The following DNAJA1 variants were observed in gnomAD, a reference collection of about 807,000 sequenced individuals.
DNAJA1 encodes dnaJ homolog subfamily A member 1.
Under a neutral mutation model 47.6 loss-of-function variants are expected in DNAJA1, and 26 were observed. The observed-to-expected ratio is 0.55, with a 90% confidence interval of 0.40 to 0.76. The LOEUF is 0.76. DNAJA1 is among the 30% of genes least tolerant of loss of function. DNAJA1 has a pLI of 0.00. For synonymous variants in DNAJA1, 165 were observed against 158.4 expected (o/e 1.04, Z -0.31); for missense variants, 315 against 485.0 (o/e 0.65, Z 3.29).
rs1838934808 is a variant in DNAJA1, at chr9:33,029,995, G to A, written c.415+6G>A. On this transcript the variant is annotated splice_donor_region_variant and intron_variant, in intron 4 of 8. Coordinates refer to ENST00000330899, the MANE Select transcript of DNAJA1 (RefSeq NM_001539.4). ...GATTTGTGACAAATGTGAAGGTACG[G>A]TGTTTTTTTGTTTTGTTTTGTTTTG... The A allele has an allele frequency of 1.2e-6, 2 of 1,607,320 alleles. No individual in the cohort carries two copies. The highest frequency in any genetic ancestry group is 1.7e-6 in the Non-Finnish European group (2 of 1,178,276).
At chr9:33,035,645 T>C (rs571596385) in intron 6 of DNAJA1, among the ~76,000 whole-genome samples, 5 of 151,932 alleles carry the variant, frequency 3.3e-5, no homozygotes, top group African/African-American at 1.2e-4. Context: ...GATTTTTGTA[T>C]TTTTAGTAGA....
chr9:33,031,510 T>A (rs1050252556), intron 5 of DNAJA1, among the ~76,000 whole-genome samples: 1 of 151,966 alleles, frequency 6.6e-6, no homozygotes, highest in Admixed American at 6.6e-5. Context: ...TGGCTCACTC[T>A]AACCTCTGCC....
At chr9:33,037,876 T>A (rs886590196) in intron 8 of DNAJA1, among the ~76,000 whole-genome samples, 11 of 152,198 alleles carry the variant, frequency 7.2e-5, no homozygotes, top group Admixed American at 1.3e-4. Context: ...AGAGGTGCTT[T>A]ATAATAATTG....
In DNAJA1 at chr9:33,038,634, T is replaced by C. The variant is rs1564015618; in HGVS notation, c.976-51T>C. On this transcript the variant is annotated intron_variant, in intron 8 of 8. Transcript: ENST00000330899. ...TGGGGAAAATGGGTCCATGATACTC[T>C]AAGGGAGCTAATGATGAAATCAGAT... The C allele has an allele frequency of 1.9e-6, 3 of 1,550,368 alleles. No homozygotes were observed. The South Asian group carries it at 3.5e-5, about 18-fold the overall frequency.
intron 6 of DNAJA1, 71 bp from the exon 7 acceptor site, chr9:33,036,489 TTTATTAAACAAAAA>T: frequency 1.2e-6 from 1 of 827,262 alleles, no homozygotes; most frequent in Non-Finnish European, 1.9e-6. Context: ...ACCCTTTGCT[TTTATTAAACAAAAA>T]AACAGCCTGC....
rs765969344 is a variant in DNAJA1 at position 33,027,015 on chromosome 9, A to T, written c.310+25A>T. Reference sequence around the variant, plus strand: ...GGTAAGAAGAATCTAGTCTTTGTGCAGCTAACTAAAGTTAGCTGTTGGTCA... The same window carrying T: ...GGTAAGAAGAATCTAGTCTTTGTGCTGCTAACTAAAGTTAGCTGTTGGTCA... On this transcript the variant is annotated intron_variant, in intron 3 of 8. Coordinates refer to ENST00000330899, the MANE Select transcript of DNAJA1 (RefSeq NM_001539.4). The T allele has an allele frequency of 6.2e-6, 10 of 1,613,314 alleles. No homozygotes were observed. The Admixed American group carries it at 1.2e-4, about 19-fold the overall frequency.
At chr9:33,033,857 C>T (rs1197883286) in intron 5 of DNAJA1, among the ~76,000 whole-genome samples, 3 of 152,114 alleles carry the variant, frequency 2.0e-5, no homozygotes, top group Non-Finnish European at 2.9e-5. Context: ...CCAGTGTTAG[C>T]CAGTCATGGT....
Position 33,038,837 on chromosome 9 carries a change from C to T in DNAJA1, c.1128C>T (p.Tyr376=), listed in dbSNP as rs185238499. 1.0e-4 allele frequency: 169 copies of T among 1,613,970 alleles called. No homozygotes were observed. In the East Asian group the frequency reaches 3.5e-3, roughly 33 times the overall value. ...CAAATCAGGAAAGACGGCGCCACTA[C>T]AATGGAGAAGCATATGAGGATGATG... The part of the protein sequence containing the change: ...FDPNQERRRH[Y]NGEAYEDDEH... The change falls in exon 9 of 9, where the codon TAC becomes TAT. Residue 376 remains tyrosine, a synonymous_variant. Coordinates refer to ENST00000330899, the MANE Select transcript of DNAJA1 (RefSeq NM_001539.4).
intron 6 of DNAJA1, chr9:33,036,295 A>C: frequency 5.7e-6 from 1 of 174,782 alleles, no homozygotes. Context: ...GAGAAACCAG[A>C]TTTAAAACTA....
Position 33,039,109 on chromosome 9 carries a change from A to C in DNAJA1, c.*206A>C. The C allele has an allele frequency of 1.8e-6, 1 of 566,210 alleles. No homozygotes were observed. Among genetic ancestry groups the C allele is most frequent in the Non-Finnish European group, 3.1e-6 (1 of 320,710 alleles). 35.1% of individuals were successfully genotyped at this position (566,210 alleles called of 1,614,324 possible). ...TATGATGACTTCAGTGTGCAAGATG[A>C]AGTTTAATACCTGTAAAAACTACAA... On this transcript the variant is annotated 3_prime_UTR_variant, in exon 9 of 9. Coordinates refer to ENST00000330899, the MANE Select transcript of DNAJA1 (RefSeq NM_001539.4).
chr9:33,034,394 GTTTT>G (rs1283492780), intron 6 of DNAJA1, 64 bp downstream of exon 6: 9 of 1,241,958 alleles, frequency 7.2e-6, no homozygotes, highest in Middle Eastern at 1.9e-4. Flanking sequence ...TTTGTTTTTT[GTTTT>G]TTTGTTTTTT....
intron 1 of DNAJA1, 59 bp from the exon 2 acceptor site, chr9:33,026,416 T>C: frequency 1.3e-6 from 2 of 1,564,740 alleles, no homozygotes; most frequent in East Asian, 2.3e-5. Flanking sequence ...GCCTTAGCTC[T>C]CTTTTTTATT....
At position 33,038,162 on chromosome 9, in the gene DNAJA1, G is replaced by C. The variant is rs564714089; in HGVS notation, c.976-523G>C. Among the ~76,000 whole-genome samples, 248 of 152,046 alleles carry C rather than the reference G, an allele frequency of 1.6e-3. 1 individual carries two copies. The highest frequency in any genetic ancestry group is 5.7e-3 in the African/African-American group (238 of 41,464). Reference sequence around the variant, plus strand: ...TGGGAATACAGGTGCCCGCCACCACGCTGGGCTTTTTAGTAGAGATGGGGT... The same window carrying C: ...TGGGAATACAGGTGCCCGCCACCACCCTGGGCTTTTTAGTAGAGATGGGGT... On this transcript the variant is annotated intron_variant, in intron 8 of 8. Transcript: ENST00000330899.
intron 1 of DNAJA1, among the ~76,000 whole-genome samples, chr9:33,025,788 C>T (rs1432802249): frequency 6.6e-6 from 1 of 152,182 alleles, no homozygotes; most frequent in Non-Finnish European, 1.5e-5. Context: ...GAGACTGCGG[C>T]TTTTGGTTTC....
At chr9:33,028,638 T>C (rs1838911971) in intron 3 of DNAJA1, among the ~76,000 whole-genome samples, 2 of 152,198 alleles carry the variant, frequency 1.3e-5, no homozygotes, top group Non-Finnish European at 2.9e-5. Flanking sequence ...AAAAAAGTAG[T>C]GGTGGTTTTT....
intron 8 of DNAJA1, 191 bp downstream of exon 8, chr9:33,037,306 C>CT: frequency 3.5e-6 from 1 of 285,070 alleles, no homozygotes; most frequent in South Asian, 8.2e-5. Context: ...AACCCTGTCT[C>CT]TTTAAAAAAA....
chr9:33,033,456 T>C (rs1268769542), intron 5 of DNAJA1, among the ~76,000 whole-genome samples: 2 of 151,712 alleles, frequency 1.3e-5, no homozygotes, highest in Admixed American at 6.6e-5. Context: ...ATCCGAACAC[T>C]ATAGGATGCC....
chr9:33,028,021 G>A (rs988201186), intron 3 of DNAJA1, among the ~76,000 whole-genome samples: 1 of 84,896 alleles, frequency 1.2e-5, no homozygotes, highest in African/African-American at 5.4e-5. Flanking sequence ...CGAGACTCTT[G>A]TCTCAAAAAA....
At chr9:33,026,341 A>T in intron 1 of DNAJA1, 134 bp from the exon 2 acceptor site, 2 of 839,938 alleles carry the variant, frequency 2.4e-6, no homozygotes, top group Non-Finnish European at 3.6e-6. Flanking sequence ...AGGAATTGTT[A>T]CCTTTTTGGT....
Sources: allele counts gnomAD v4.1 joint callset (sites outside exome capture counted in the v4.1 genomes callset), GRCh38; gene constraint gnomAD v4.1.1; transcripts MANE v1.5; gene names NCBI Gene and HGNC (gene_info 2026-07-23, HGNC 2026-07-21).